Variants in TBL1X observed in about 807,000 individuals in gnomAD.
TBL1X encodes the protein transducin beta like 1 X-linked.
In TBL1X, 10 loss-of-function variants were observed where a neutral mutation model predicts 50.7. That is an observed-to-expected ratio of 0.20 (90% confidence interval 0.12 to 0.33). The LOEUF (loss-of-function observed/expected upper bound fraction) is 0.33. TBL1X is among the 10% of genes least tolerant of loss of function. TBL1X has a pLI of 1.00. For synonymous variants in TBL1X, 190 were observed against 214.7 expected (o/e 0.88, Z 1.01); for missense variants, 340 against 504.4 (o/e 0.67, Z 3.12).
chrX:9,591,396 A>G (rs1238348272), intron 2 of TBL1X, among the ~76,000 whole-genome samples: 1 of 111,979 alleles, frequency 8.9e-6, no homozygotes, highest in Non-Finnish European at 1.9e-5. Context: ...GTAGATCCCA[A>G]TCGACTGCTT....
At chrX:9,653,516 C>T in intron 3 of TBL1X, 29 bp from the exon 4 acceptor site, 1 of 948,993 alleles carries the variant, frequency 1.1e-6, no homozygotes, top group Non-Finnish European at 1.5e-6. Context: ...GAGGTGCTCC[C>T]TGCCTTCTGT....
intron 2 of TBL1X, among the ~76,000 whole-genome samples, chrX:9,629,386 G>T (rs2082709076): frequency 8.9e-6 from 1 of 112,381 alleles, no homozygotes; most frequent in Non-Finnish European, 1.9e-5. Context: ...TAGAGAAAAT[G>T]TGTACCTACC....
chrX:9,502,212 A>T (rs189618088), intron 2 of TBL1X, among the ~76,000 whole-genome samples: 1 of 113,124 alleles, frequency 8.8e-6, no homozygotes, highest in African/African-American at 3.2e-5. Flanking sequence ...ATGTATTATT[A>T]AATGTAACTT....
At chrX:9,680,196 T>C (rs1278990351) in intron 5 of TBL1X, among the ~76,000 whole-genome samples, 1 of 111,585 alleles carries the variant, frequency 9.0e-6, no homozygotes, top group Non-Finnish European at 1.9e-5. Context: ...TACCGTCACT[T>C]TGGGGATTTG....
At chrX:9,590,244 G>A (rs1221677213) in intron 2 of TBL1X, among the ~76,000 whole-genome samples, 1 of 111,731 alleles carries the variant, frequency 9.0e-6, no homozygotes, top group Non-Finnish European at 1.9e-5. Context: ...CTTATATTTT[G>A]CTAATTGCTA....
At chrX:9,711,563 T>G (rs2083247051) in intron 15 of TBL1X, 48 bp from the exon 16 acceptor site, 1 of 1,101,316 alleles carries the variant, frequency 9.1e-7, no homozygotes, top group Non-Finnish European at 1.2e-6. Context: ...GAGAACTGTT[T>G]GAAACCACCG....
chrX:9,630,583 G>C (rs1257367629), intron 2 of TBL1X, among the ~76,000 whole-genome samples: 1 of 112,001 alleles, frequency 8.9e-6, no homozygotes, highest in Non-Finnish European at 1.9e-5. Flanking sequence ...TGTTTTTATT[G>C]TATTGTTTTT....
At chrX:9,620,058 A>G (rs1400011583) in intron 2 of TBL1X, among the ~76,000 whole-genome samples, 2 of 112,291 alleles carry the variant, frequency 1.8e-5, no homozygotes, top group Non-Finnish European at 3.8e-5. Flanking sequence ...AATCTCTTCA[A>G]TGTAGGCAAA....
intron 2 of TBL1X, among the ~76,000 whole-genome samples, chrX:9,512,143 G>A (rs1298619769): frequency 1.8e-5 from 2 of 111,724 alleles, no homozygotes; most frequent in African/African-American, 6.5e-5. Context: ...ACAGACATGA[G>A]CCACCTTGGA....
intron 5 of TBL1X, among the ~76,000 whole-genome samples, chrX:9,673,876 G>A (rs1001322544): frequency 9.0e-6 from 1 of 111,516 alleles, no homozygotes; most frequent in Non-Finnish European, 1.9e-5. Flanking sequence ...AGACCAGCCT[G>A]TCCAACATAG....
intron 8 of TBL1X, 78 bp downstream of exon 8, chrX:9,691,789 T>C: frequency 1.7e-6 from 2 of 1,149,886 alleles, no homozygotes; most frequent in Non-Finnish European, 2.3e-6. Context: ...TCTGGAGTTC[T>C]GCCTAAAGGA....
rs145678498 is a variant in TBL1X at position 9,524,595 on chromosome X, A to G, written c.-131+22746A>G. Among the ~76,000 whole-genome samples the G allele has an allele frequency of 6.2e-3, 696 of 112,149 alleles. 4 individuals carry two copies. The highest frequency in any genetic ancestry group is 0.022 in the African/African-American group (670 of 30,887). ...TTAAGGCTGAGTGCTGTTCCATTGT[A>G]TGGATAGGTCACTTTATTCCTGTAA... On this transcript the variant is annotated intron_variant, in intron 2 of 17. Transcript: ENST00000645353.
At chrX:9,659,881 A>G (rs772691135) in intron 5 of TBL1X, among the ~76,000 whole-genome samples, 44 of 112,457 alleles carry the variant, frequency 3.9e-4, no homozygotes, top group Non-Finnish European at 6.8e-4. Flanking sequence ...ATTTGCAGCT[A>G]GCCTTCTGGA....
chrX:9,713,678 T>C (rs1285146346), intron 16 of TBL1X, among the ~76,000 whole-genome samples: 2 of 111,061 alleles, frequency 1.8e-5, no homozygotes, highest in Non-Finnish European at 3.8e-5. Flanking sequence ...TCTACCCACC[T>C]CGGCCTCCCA....
intron 2 of TBL1X, among the ~76,000 whole-genome samples, chrX:9,625,802 G>A (rs1050582878): frequency 8.9e-6 from 1 of 112,061 alleles, no homozygotes; most frequent in East Asian, 2.8e-4. Flanking sequence ...AGCTGGGCAC[G>A]GTGGCAGGCG....
intron 16 of TBL1X, among the ~76,000 whole-genome samples, chrX:9,712,928 C>CT (rs1484397479): frequency 2.0e-4 from 16 of 81,667 alleles, no homozygotes; most frequent in African/African-American, 8.4e-4. Context: ...GAAGGGGTCC[C>CT]TTTCGCCTCA....
At chrX:9,656,914 T>C (rs974682942) in intron 5 of TBL1X, among the ~76,000 whole-genome samples, 2 of 112,386 alleles carry the variant, frequency 1.8e-5, no homozygotes, top group Non-Finnish European at 3.8e-5. Context: ...AGCCTATCGC[T>C]GTCTCCCTTC....
At chrX:9,697,460 GT>G in intron 12 of TBL1X, 31 bp downstream of exon 12, 1 of 1,205,310 alleles carries the variant, frequency 8.3e-7, no homozygotes, top group South Asian at 1.8e-5. Context: ...GTTGTTGTTT[GT>G]TTTTTTGTAA....
chrX:9,605,981 A>G (rs1188358531), intron 2 of TBL1X, among the ~76,000 whole-genome samples: 1 of 112,160 alleles, frequency 8.9e-6, no homozygotes, highest in Non-Finnish European at 1.9e-5. Flanking sequence ...AAAACTACAA[A>G]CGTTAATGAT....
Sources: gnomAD v4.1 joint callset for allele counts (sites outside exome capture counted in the v4.1 genomes callset) on GRCh38, gnomAD v4.1.1 for gene constraint, MANE v1.5 for transcripts, NCBI Gene and HGNC (gene_info 2026-07-23, HGNC 2026-07-21) for gene names.